Variants in RPRD2 observed in about 807,000 individuals in gnomAD.
RPRD2 encodes the protein regulation of nuclear pre-mRNA domain containing 2, also known as regulation of nuclear pre-mRNA domain-containing protein 2.
In RPRD2, 12 loss-of-function variants were observed where a neutral mutation model predicts 104.4. The observed-to-expected ratio is 0.11, with a 90% CI of 0.07 to 0.19. RPRD2 has a LOEUF of 0.19. RPRD2 is among the 10% of genes least tolerant of loss of function. The pLI, the probability that RPRD2 is intolerant of heterozygous loss-of-function variation, is 1.00. For missense variants in RPRD2, 1,543 were observed against 1,790.1 expected (o/e 0.86, Z 2.49); for synonymous variants, 714 against 684.9 (o/e 1.04, Z -0.66).
At chr1:150,396,486 G>T in intron 1 of RPRD2, among the ~76,000 whole-genome samples, 1 of 152,044 alleles carries the variant, frequency 6.6e-6, no homozygotes. Flanking sequence ...ATAGTTTGAG[G>T]TTCTAGATTT....
chr1:150,384,667 G>A (rs1340413416), intron 1 of RPRD2, among the ~76,000 whole-genome samples: 5 of 148,646 alleles, frequency 3.4e-5, no homozygotes, highest in African/African-American at 1.2e-4. Flanking sequence ...GTGTGTGTGT[G>A]TGTGTGTGTG....
chr1:150,446,360 T>G lies in RPRD2; in HGVS notation c.829T>G (p.Phe277Val), dbSNP rs373041540. ...LTEALENAGI[F>V]YEAQYKEVKV... is the part of the protein sequence containing the mutation. The stretch of plus-strand genomic sequence containing the variant: ...AGAAGCACTGGAAAATGCTGGAATT[T>G]TCTATGAAGCACAATACAAAGAAGT... The change falls in exon 7 of 11, where the codon TTC becomes GTC. Residue 277 changes from phenylalanine (F) to valine (V), a missense_variant. Physicochemically the swap from Phe to Val is conservative, Grantham distance 50. Around this residue, in one of 4 missense-constraint regions of RPRD2, gnomAD observed 572 missense variants for 787.3 expected, o/e 0.73. Transcript: ENST00000369068. The G allele has an allele frequency of 6.2e-7, 1 of 1,610,604 alleles. No homozygotes were observed. The highest frequency in any genetic ancestry group is 8.5e-7 in the Non-Finnish European group (1 of 1,179,314).
intron 1 of RPRD2, among the ~76,000 whole-genome samples, chr1:150,376,613 G>C (rs938315052): frequency 4.0e-5 from 6 of 151,280 alleles, no homozygotes; most frequent in African/African-American, 1.5e-4. Flanking sequence ...CCATTCTCTC[G>C]CCTCAGCCTC....
At position 150,470,649 on chromosome 1, in the gene RPRD2, C is replaced by A; in HGVS notation, c.1701C>A (p.Asn567Lys). The A allele has an allele frequency of 6.2e-7, 1 of 1,614,034 alleles. No individual in the cohort carries two copies. Among genetic ancestry groups the A allele is most frequent in the African/African-American group, 1.3e-5 (1 of 75,066 alleles). The change falls in exon 11 of 11, where the codon AAC becomes AAA. Residue 567 changes from asparagine (N) to lysine (K), a missense_variant. Coordinates refer to ENST00000369068, the MANE Select transcript of RPRD2 (RefSeq NM_015203.5). The part of the protein sequence containing the change: ...ASQSTSASPA[N>K]TTVSTIKGRN... ...AGAGCACTTCAGCCTCCCCTGCCAA[C>A]ACCACAGTCTCTACCATAAAGGGAA...
chr1:150,415,724 T>C (rs1664286025), intron 1 of RPRD2, among the ~76,000 whole-genome samples: 1 of 152,106 alleles, frequency 6.6e-6, no homozygotes, highest in South Asian at 2.1e-4. Context: ...GCATAGTTAA[T>C]GGAGCATAAG....
rs1277683824 is a variant in RPRD2 at position 150,376,799 on chromosome 1, C to T, written c.205+11880C>T. Among the ~76,000 whole-genome samples, 7 of 151,230 alleles carry T rather than the reference C, an allele frequency of 4.6e-5. No homozygotes were observed. The East Asian group carries it at 1.4e-3, about 30-fold the overall frequency. ...ACAGGCGTGAGCCACCGCGCCCGGC[C>T]GATACAGTCTTTTAAAATGATGATC... On this transcript the variant is annotated intron_variant, in intron 1 of 10. Transcript: ENST00000369068.
intron 1 of RPRD2, among the ~76,000 whole-genome samples, chr1:150,368,224 T>TA (rs34056541): frequency 1.1e-5 from 1 of 92,594 alleles, no homozygotes; most frequent in Non-Finnish European, 2.5e-5. Flanking sequence ...TTTTTTTTTT[T>TA]AATACGGAGT....
intron 1 of RPRD2, among the ~76,000 whole-genome samples, chr1:150,366,887 A>G (rs782272671): frequency 5.3e-5 from 8 of 152,178 alleles, no homozygotes; most frequent in Non-Finnish European, 8.8e-5. Flanking sequence ...ATTTGCAAGA[A>G]TAAGTTGGTC....
At chr1:150,375,215 G>A (rs1404782818) in intron 1 of RPRD2, among the ~76,000 whole-genome samples, 2 of 152,140 alleles carry the variant, frequency 1.3e-5, no homozygotes, top group Admixed American at 6.6e-5. Flanking sequence ...GTCTCTTACA[G>A]CAGAAGGGTG....
At chr1:150,367,736 T>TG (rs1227164217) in intron 1 of RPRD2, among the ~76,000 whole-genome samples, 2 of 152,046 alleles carry the variant, frequency 1.3e-5, no homozygotes, top group Non-Finnish European at 2.9e-5. Context: ...TACTTTTTTT[T>TG]TTTTGAGATG....
chr1:150,372,480 A>T (rs1169601421), intron 1 of RPRD2, among the ~76,000 whole-genome samples: 2 of 114,656 alleles, frequency 1.7e-5, no homozygotes, highest in Non-Finnish European at 3.9e-5. Flanking sequence ...ACTCCGTCTG[A>T]AAAAAGAAAC....
chr1:150,369,925 C>A (rs1413578340), intron 1 of RPRD2, among the ~76,000 whole-genome samples: 1 of 151,926 alleles, frequency 6.6e-6, no homozygotes. Context: ...GGATTACAGG[C>A]ACATGCCACC....
At chr1:150,404,265 G>C (rs1553886053) in intron 1 of RPRD2, among the ~76,000 whole-genome samples, 5 of 151,794 alleles carry the variant, frequency 3.3e-5, no homozygotes, top group Non-Finnish European at 7.4e-5. Context: ...TTTGTTTTTT[G>C]AGATGGGGTC....
At position 150,471,994 on chromosome 1, in the gene RPRD2, G is replaced by A; in HGVS notation, c.3046G>A (p.Ala1016Thr). 1 of 1,613,870 alleles carries A rather than the reference G, an allele frequency of 6.2e-7. No homozygotes were observed. Among genetic ancestry groups the A allele is most frequent in the Non-Finnish European group, 8.5e-7 (1 of 1,179,882 alleles). The change falls in exon 11 of 11, where the codon GCC becomes ACC. Residue 1016 changes from alanine (A) to threonine (T), a missense_variant. Coordinates refer to ENST00000369068, the MANE Select transcript of RPRD2 (RefSeq NM_015203.5). The surrounding 1 kb of genome is among the most constrained non-coding windows in gnomAD (Gnocchi z 5.3). ...TGAATTTAAGAATATGCTTAAAAAC[G>A]CCTCACGTAAGCCCTCAGATGATAA... is the stretch of plus-strand genomic sequence containing the variant. ...TIEFKNMLKN[A>T]SRKPSDDKHF...
At chr1:150,431,280 G>A (rs73017102) in intron 2 of RPRD2, among the ~76,000 whole-genome samples, 7,198 of 151,992 alleles carry the variant, frequency 0.047, 432 homozygotes, top group African/African-American at 0.13. Flanking sequence ...TGATCCAGCA[G>A]TTCTACCTCT....
At chr1:150,386,117 A>G (rs918523224) in intron 1 of RPRD2, among the ~76,000 whole-genome samples, 15 of 152,106 alleles carry the variant, frequency 9.9e-5, no homozygotes, top group Admixed American at 2.0e-4. Context: ...TTTGGTTCTT[A>G]CCTATTTTTA....
intron 1 of RPRD2, among the ~76,000 whole-genome samples, chr1:150,366,468 C>T (rs782342952): frequency 5.9e-5 from 9 of 152,182 alleles, no homozygotes; most frequent in Admixed American, 1.3e-4. Flanking sequence ...GAGTTATTTT[C>T]TTGCCCAGAG....
intron 2 of RPRD2, among the ~76,000 whole-genome samples, chr1:150,435,028 CAT>C (rs1353572088): frequency 6.6e-6 from 1 of 152,106 alleles, no homozygotes; most frequent in Non-Finnish European, 1.5e-5. Flanking sequence ...ATTTTTCCAA[CAT>C]ATGCTCATTC....
chr1:150,411,868 G>A (rs1029505998), intron 1 of RPRD2, among the ~76,000 whole-genome samples: 8 of 151,228 alleles, frequency 5.3e-5, no homozygotes, highest in East Asian at 3.9e-4. Context: ...GCTCACGCCT[G>A]TAATCCCAGC....
Sources: allele counts gnomAD v4.1 joint callset (sites outside exome capture counted in the v4.1 genomes callset), GRCh38; gene constraint gnomAD v4.1.1; regional missense constraint gnomAD v4.1.1; non-coding constraint Gnocchi (gnomAD v3.1); transcripts MANE v1.5; gene names NCBI Gene and HGNC (gene_info 2026-07-23, HGNC 2026-07-21).